SYT16: variants seen among roughly 807,000 people sequenced by gnomAD.
SYT16 encodes synaptotagmin-16.
A neutral mutation model predicts 61.4 loss-of-function variants in SYT16; 42 were observed. That is an observed-to-expected ratio of 0.68 (90% CI 0.53 to 0.89). The LOEUF is 0.89. SYT16 is among the 40% of genes least tolerant of loss of function. SYT16 has a pLI of 0.00. For synonymous variants in SYT16, 314 were observed against 302.3 expected (o/e 1.04, Z -0.40); for missense variants, 804 against 807.3 (o/e 1.00, Z 0.05).
chr14:61,897,008 G>A (rs1594857887), intron 1 of SYT16, among the ~76,000 whole-genome samples: 1 of 152,174 alleles, frequency 6.6e-6, no homozygotes, highest in East Asian at 1.9e-4. Flanking sequence ...TCCACTGTCT[G>A]CTTTGTATGA....
intron 1 of SYT16, among the ~76,000 whole-genome samples, chr14:61,907,896 C>A (rs1029017479): frequency 6.6e-6 from 1 of 152,192 alleles, no homozygotes; most frequent in Non-Finnish European, 1.5e-5. Context: ...GAGCTTACGT[C>A]GTGTTCCTAC....
At chr14:62,008,563 T>G (rs1595140898) in intron 3 of SYT16, among the ~76,000 whole-genome samples, 1 of 152,028 alleles carries the variant, frequency 6.6e-6, no homozygotes, top group South Asian at 2.1e-4. Context: ...TTTTCTTTCT[T>G]TTCTCTACTC....
intron 2 of SYT16, among the ~76,000 whole-genome samples, chr14:61,992,065 C>T (rs574434455): frequency 1.4e-4 from 22 of 152,254 alleles, no homozygotes; most frequent in Admixed American, 1.3e-3. Flanking sequence ...CACTTGTGGA[C>T]TCCCAGTCCA....
intron 1 of SYT16, among the ~76,000 whole-genome samples, 158 bp downstream of exon 1, chr14:61,812,968 G>GGGC (rs2045314787): frequency 1.3e-5 from 2 of 152,296 alleles, no homozygotes; most frequent in South Asian, 4.1e-4. Flanking sequence ...GGGCTTGAAA[G>GGGC]GGCAGGTGGC....
At chr14:61,971,671 A>G (rs2051563584) in intron 2 of SYT16, among the ~76,000 whole-genome samples, 1 of 152,260 alleles carries the variant, frequency 6.6e-6, no homozygotes, top group Non-Finnish European at 1.5e-5. Context: ...GGGGAAGAGT[A>G]TCAAAGAGTG....
chr14:62,079,089 G>A (rs538294119), intron 5 of SYT16, among the ~76,000 whole-genome samples: 41 of 152,166 alleles, frequency 2.7e-4, no homozygotes, highest in Non-Finnish European at 5.1e-4. Context: ...AAAATAGATG[G>A]GAGTTTTAGG....
At chr14:61,942,627 G>A (rs1286460809) in intron 1 of SYT16, among the ~76,000 whole-genome samples, 1 of 152,182 alleles carries the variant, frequency 6.6e-6, no homozygotes, top group Non-Finnish European at 1.5e-5. Context: ...TATGTACTGA[G>A]TATTTTTGGT....
chr14:62,071,617 G>C (rs941496505), intron 4 of SYT16, among the ~76,000 whole-genome samples: 3 of 152,114 alleles, frequency 2.0e-5, no homozygotes, highest in Admixed American at 1.3e-4. Flanking sequence ...TTTATTGCTT[G>C]ATTTTTTTTG....
At chr14:62,082,461 C>T (rs1413633867) in intron 6 of SYT16, among the ~76,000 whole-genome samples, 1 of 152,196 alleles carries the variant, frequency 6.6e-6, no homozygotes, top group East Asian at 1.9e-4. Context: ...CTGTTTTCCA[C>T]CTGAAATCCT....
chr14:61,990,908 A>G (rs1249466198), intron 2 of SYT16, among the ~76,000 whole-genome samples: 4 of 152,210 alleles, frequency 2.6e-5, no homozygotes, highest in Non-Finnish European at 2.9e-5. Flanking sequence ...CTTTCTACAG[A>G]AACACAACTC....
intron 1 of SYT16, chr14:61,897,319 A>G (rs1005648767): frequency 1.6e-4 from 25 of 152,248 alleles, no homozygotes; most frequent in Admixed American, 1.6e-3. Context: ...TTAAGGAGAC[A>G]GCATTGTTTT....
intron 1 of SYT16, among the ~76,000 whole-genome samples, chr14:61,881,689 G>A (rs761633517): frequency 4.6e-5 from 7 of 152,172 alleles, no homozygotes; most frequent in Admixed American, 2.6e-4. Context: ...AGTGTTGACA[G>A]TAGATTGACA....
At chr14:61,887,745 T>G (rs113104583) in intron 1 of SYT16, among the ~76,000 whole-genome samples, 5 of 152,168 alleles carry the variant, frequency 3.3e-5, no homozygotes, top group Non-Finnish European at 7.4e-5. Context: ...TCAGCCTTCA[T>G]AGAATTGAAG....
chr14:62,025,269 C>T (rs1310523461), intron 3 of SYT16, among the ~76,000 whole-genome samples: 3 of 152,122 alleles, frequency 2.0e-5, no homozygotes, highest in Non-Finnish European at 4.4e-5. Flanking sequence ...TGCTTCACAT[C>T]CTTGCCAGCA....
At chr14:61,867,089 T>C (rs1401016145) in intron 1 of SYT16, among the ~76,000 whole-genome samples, 1 of 152,094 alleles carries the variant, frequency 6.6e-6, no homozygotes, top group Non-Finnish European at 1.5e-5. Context: ...GAGTCTCTCT[T>C]CTCTTTCATT....
chr14:61,881,078 C>T (rs146085162), intron 1 of SYT16, among the ~76,000 whole-genome samples: 80 of 152,262 alleles, frequency 5.3e-4, no homozygotes, highest in Admixed American at 9.2e-4. Flanking sequence ...TGCTCTCTTC[C>T]ATCACTACCT....
At chr14:61,937,653 A>G (rs535777904) in intron 1 of SYT16, among the ~76,000 whole-genome samples, 22 of 152,224 alleles carry the variant, frequency 1.4e-4, no homozygotes, top group Admixed American at 1.4e-3. Context: ...GAGTGTTGGG[A>G]CAATTTTCAA....
rs77291140 is a variant in SYT16 at position 62,107,080 on chromosome 14, C to G, written c.*6373C>G. ...CATTATTTTTGTTTACGTCATTTCC[C>G]CCTTGAAGTATCTAGTTGCTGGGGT... On this transcript the variant is annotated 3_prime_UTR_variant, in exon 8 of 8. Transcript: ENST00000683842. 2 of 149,370 alleles carry G rather than the reference C, an allele frequency of 1.3e-5. No homozygotes were observed. The highest frequency in any genetic ancestry group is 3.0e-5 in the Non-Finnish European group (2 of 67,462). The allele number at this position is 149,370 out of a possible 1,614,324, so 9.3% of individuals were successfully genotyped here. A position where few individuals can be genotyped will look rare whatever the true frequency, so the allele number is the denominator to read the frequency against.
chr14:61,968,363 G>A (rs372916707), intron 1 of SYT16, among the ~76,000 whole-genome samples: 1 of 152,152 alleles, frequency 6.6e-6, no homozygotes, highest in African/African-American at 2.4e-5. Context: ...GTGGTGAGGA[G>A]GGAATTTTAA....
Sources: allele counts gnomAD v4.1 joint callset (sites outside exome capture counted in the v4.1 genomes callset), GRCh38; gene constraint gnomAD v4.1.1; transcripts MANE v1.5; gene names NCBI Gene and HGNC (gene_info 2026-07-23, HGNC 2026-07-21).